Variants in RANBP10 observed in about 807,000 individuals in gnomAD.
The protein encoded by RANBP10 is ran-binding protein 10.
In RANBP10, 24 loss-of-function variants were observed where a neutral mutation model predicts 72.8. That is an observed-to-expected ratio of 0.33 (90% CI 0.24 to 0.46). The LOEUF is 0.46. RANBP10 is among the 20% of genes least tolerant of loss of function. The pLI is 1.00. For synonymous variants in RANBP10, 310 were observed against 322.3 expected (o/e 0.96, Z 0.41); for missense variants, 679 against 817.5 (o/e 0.83, Z 2.07).
Position 67,730,144 on chromosome 16 carries a change from A to C in RANBP10, c.890-98T>G. On this transcript the variant is annotated intron_variant, in intron 7 of 13. Coordinates refer to ENST00000317506, the MANE Select transcript of RANBP10 (RefSeq NM_020850.3). This position sits in a 1 kb window ranked among gnomAD's most constrained non-coding sequence, Gnocchi z 4.3. Reference sequence around the variant, plus strand: ...CCAGCCTCAGGGTAGGGTCCGGCTCAGAGTGCCTCGCCAGCTTGAAATGCT... The same window carrying C: ...CCAGCCTCAGGGTAGGGTCCGGCTCCGAGTGCCTCGCCAGCTTGAAATGCT... The C allele has an allele frequency of 9.0e-7, 1 of 1,105,512 alleles. No homozygotes were observed. Among genetic ancestry groups the C allele is most frequent in the Non-Finnish European group, 1.3e-6 (1 of 753,320 alleles). 68.5% of individuals were successfully genotyped at this position (1,105,512 alleles called of 1,614,324 possible). A position where few individuals can be genotyped will look rare whatever the true frequency, so the allele number is the denominator to read the frequency against.
intron 2 of RANBP10, among the ~76,000 whole-genome samples, chr16:67,777,913 C>T (rs2054737406): frequency 6.6e-6 from 1 of 152,144 alleles, no homozygotes; most frequent in Admixed American, 6.6e-5. Flanking sequence ...GACCTACAGT[C>T]CAAGGAATAG....
At chr16:67,794,336 C>G (rs894636260) in intron 2 of RANBP10, among the ~76,000 whole-genome samples, 1 of 151,660 alleles carries the variant, frequency 6.6e-6, no homozygotes, top group Non-Finnish European at 1.5e-5. Context: ...TCTCAGGAGG[C>G]TGAGGCGGGA....
chr16:67,780,948 C>G (rs2054798681), intron 2 of RANBP10, among the ~76,000 whole-genome samples: 1 of 152,276 alleles, frequency 6.6e-6, no homozygotes, highest in Admixed American at 6.5e-5. Flanking sequence ...CAGAACACAG[C>G]TCCAAGGAGC....
intron 2 of RANBP10, among the ~76,000 whole-genome samples, chr16:67,790,395 A>G (rs1207312736): frequency 6.6e-6 from 1 of 151,864 alleles, no homozygotes; most frequent in Non-Finnish European, 1.5e-5. Flanking sequence ...ATGGTTGCAC[A>G]ACATTGTGGA....
chr16:67,730,078 G>A lies in RANBP10; in HGVS notation c.890-32C>T, dbSNP rs149350190. ...GGTGCAAGAACACAGCAGTGAGCGA[G>A]GGCTACAGGCCTCTCCCACAGCCAC... is the stretch of plus-strand genomic sequence containing the variant. On this transcript the variant is annotated intron_variant, in intron 7 of 13. Transcript: ENST00000317506. This position sits in a 1 kb window ranked among gnomAD's most constrained non-coding sequence, Gnocchi z 4.3. 1.9e-6 allele frequency: 3 copies of A among 1,594,352 alleles called. No individual in the cohort carries two copies. Among genetic ancestry groups the A allele is most frequent in the Non-Finnish European group, 2.6e-6 (3 of 1,169,722 alleles).
At chr16:67,792,422 C>T (rs1028746023) in intron 2 of RANBP10, among the ~76,000 whole-genome samples, 2 of 151,882 alleles carry the variant, frequency 1.3e-5, no homozygotes, top group African/African-American at 4.8e-5. Context: ...ATTAGCCAGG[C>T]GTAGTGGCGG....
chr16:67,726,270 A>G lies in RANBP10; in HGVS notation c.*158T>C. ...ACTGAGCGGGGTGGTGGGCAGAGAAAGGAAGGAAGGAAGGAAAGGGAGAGG... is the reference window on the plus strand; with the variant it reads ...ACTGAGCGGGGTGGTGGGCAGAGAAGGGAAGGAAGGAAGGAAAGGGAGAGG... On this transcript the variant is annotated 3_prime_UTR_variant, in exon 14 of 14. Transcript: ENST00000317506. 1.1e-6 allele frequency: 1 copy of G among 939,268 alleles called. No individual in the cohort carries two copies. Among genetic ancestry groups the G allele is most frequent in the Admixed American group, 2.6e-5 (1 of 38,442 alleles). The allele number at this position is 939,268 out of a possible 1,614,324, so 58.2% of individuals were successfully genotyped here.
intron 2 of RANBP10, among the ~76,000 whole-genome samples, chr16:67,778,136 G>C (rs112894876): frequency 0.14 from 21,266 of 152,152 alleles, 1,695 homozygotes; most frequent in African/African-American, 0.21. Context: ...GATCACCTGA[G>C]GTCGGGAGTT....
intron 2 of RANBP10, among the ~76,000 whole-genome samples, chr16:67,777,092 C>G (rs1275653100): frequency 2.0e-5 from 3 of 151,944 alleles, no homozygotes; most frequent in Non-Finnish European, 4.4e-5. Context: ...TGCCTGTAAT[C>G]CCAGCTATTC....
chr16:67,744,069 G>A (rs982751529), intron 4 of RANBP10: 18 of 981,872 alleles, frequency 1.8e-5, no homozygotes, highest in Non-Finnish European at 2.2e-5. Context: ...TGTACTCTCA[G>A]CATCCTCCCT....
chr16:67,783,491 A>C (rs2054851125), intron 2 of RANBP10, among the ~76,000 whole-genome samples: 1 of 152,112 alleles, frequency 6.6e-6, no homozygotes, highest in African/African-American at 2.4e-5. Context: ...CAGGGCTCCA[A>C]ACACAACACC....
rs2053582442 is a variant in RANBP10, at chr16:67,725,537, G to A, written c.*891C>T. 1 of 152,638 alleles carries A rather than the reference G, an allele frequency of 6.6e-6. No individual in the cohort carries two copies. The highest frequency in any genetic ancestry group is 6.5e-5 in the Admixed American group (1 of 15,278). The allele number at this position is 152,638 out of a possible 1,614,324, so 9.5% of individuals were successfully genotyped here. ...ACAAGGGAAGATAGGGTATTGAAAA[G>A]GGAGGAAAGGGGAGCAAGGCAGGCA... is the stretch of plus-strand genomic sequence containing the variant. On this transcript the variant is annotated 3_prime_UTR_variant, in exon 14 of 14. Coordinates refer to ENST00000317506, the MANE Select transcript of RANBP10 (RefSeq NM_020850.3).
chr16:67,769,443 C>CA (rs768960411), intron 3 of RANBP10, among the ~76,000 whole-genome samples: 3,760 of 30,324 alleles, frequency 0.12, 627 homozygotes, highest in Middle Eastern at 0.5. Flanking sequence ...GACCCTGTCT[C>CA]AAAAAAAAAA....
Position 67,726,139 on chromosome 16 carries a change from C to A in RANBP10, c.*289G>T. On this transcript the variant is annotated 3_prime_UTR_variant, in exon 14 of 14. Transcript: ENST00000317506. ...GAGAAAAAAATTTAAAAACCCCAAC[C>A]CCTCCTCAAAACAAAACCCCCCTTT... 2.9e-6 allele frequency: 1 copy of A among 347,546 alleles called. No homozygotes were observed. The highest frequency in any genetic ancestry group is 5.4e-6 in the Non-Finnish European group (1 of 183,532). 21.5% of individuals were successfully genotyped at this position (347,546 alleles called of 1,614,324 possible).
intron 2 of RANBP10, among the ~76,000 whole-genome samples, chr16:67,788,772 G>A (rs1249740792): frequency 1.3e-5 from 2 of 151,524 alleles, no homozygotes; most frequent in African/African-American, 2.4e-5. Context: ...AGGCCGAGAC[G>A]GGCAGATCTC....
chr16:67,790,348 T>C (rs1312493030), intron 2 of RANBP10, among the ~76,000 whole-genome samples: 1 of 151,312 alleles, frequency 6.6e-6, no homozygotes, highest in Non-Finnish European at 1.5e-5. Context: ...CTGTTTGGGG[T>C]GATGGAAAAG....
chr16:67,763,435 C>G (rs971070193), intron 3 of RANBP10: 1 of 152,258 alleles, frequency 6.6e-6, no homozygotes, highest in African/African-American at 2.4e-5. Context: ...TAACCCCAGT[C>G]TGGGGCAAGT....
intron 2 of RANBP10, among the ~76,000 whole-genome samples, chr16:67,801,042 G>A (rs2055226870): frequency 1.3e-5 from 2 of 152,144 alleles, no homozygotes; most frequent in East Asian, 3.8e-4. Flanking sequence ...AATATTCTGT[G>A]AAATCTTGAC....
chr16:67,747,817 CTTTTT>C (rs1160482023), intron 3 of RANBP10, among the ~76,000 whole-genome samples: 1 of 121,314 alleles, frequency 8.2e-6, no homozygotes, highest in Admixed American at 8.4e-5. Context: ...ATTTTCTTTT[CTTTTT>C]TTTTTTTTTT....
Sources: gnomAD v4.1 joint callset for allele counts (sites outside exome capture counted in the v4.1 genomes callset) on GRCh38, gnomAD v4.1.1 for gene constraint, Gnocchi (gnomAD v3.1) non-coding constraint, MANE v1.5 for transcripts, NCBI Gene and HGNC (gene_info 2026-07-23, HGNC 2026-07-21) for gene names.